COL4A3: variants seen among roughly 807,000 people sequenced by gnomAD.
The protein encoded by COL4A3 is collagen type IV alpha 3 chain, also known as collagen alpha-3(IV) chain.
Under a neutral mutation model 217.4 loss-of-function variants are expected in COL4A3, and 135 were observed. The observed-to-expected ratio is 0.62, with a 90% CI of 0.54 to 0.72. The LOEUF (loss-of-function observed/expected upper bound fraction) is 0.72. COL4A3 is among the 30% of genes least tolerant of loss of function. The pLI is 0.00. For missense variants in COL4A3, 1,868 were observed against 2,119.9 expected (o/e 0.88, Z 2.33); for synonymous variants, 690 against 736.3 (o/e 0.94, Z 1.02).
intron 25 of COL4A3, among the ~76,000 whole-genome samples, chr2:227,272,107 A>T (rs12619141): frequency 0.13 from 20,409 of 152,136 alleles, 1,356 homozygotes; most frequent in Non-Finnish European, 0.15. Context: ...CAGTTCTCAG[A>T]CCCTGCCTTG....
chr2:227,192,582 G>A (rs950672252), intron 1 of COL4A3, among the ~76,000 whole-genome samples: 26 of 152,218 alleles, frequency 1.7e-4, no homozygotes, highest in Admixed American at 1.2e-3. Flanking sequence ...GTTGTATGGA[G>A]ATCACTTGAC....
rs764791902 is a variant in COL4A3 at position 227,295,055 on chromosome 2, A to G, written c.3510A>G (p.Gly1170=). ...DGIPGPAGEK[G]ETGLLRAPPG... ...TTCCTGGTCCAGCCGGAGAAAAGGG[A>G]GAAACGGGTACAACTTGCTCATTAT... The change falls in exon 40 of 52, where the codon GGA becomes GGG. Residue 1170 remains glycine (G), a synonymous_variant. Transcript: ENST00000396578. 6.2e-7 allele frequency: 1 copy of G among 1,613,038 alleles called. No homozygotes were observed. The highest frequency in any genetic ancestry group is 8.5e-7 in the Non-Finnish European group (1 of 1,179,510).
At chr2:227,290,233 C>A (rs1390715765) in intron 36 of COL4A3, 145 bp downstream of exon 36, 2 of 761,902 alleles carry the variant, frequency 2.6e-6, no homozygotes, top group Non-Finnish European at 4.4e-6. Context: ...CACGGTGGCT[C>A]ATGCCTGTAA....
chr2:227,299,107 T>C (rs2073164960), intron 43 of COL4A3, among the ~76,000 whole-genome samples: 1 of 152,084 alleles, frequency 6.6e-6, no homozygotes, highest in East Asian at 1.9e-4. Flanking sequence ...TATAAAACCA[T>C]CAGATCGGCC....
chr2:227,294,350 T>G, intron 38 of COL4A3, 140 bp from the exon 39 acceptor site: 1 of 756,402 alleles, frequency 1.3e-6, no homozygotes, highest in South Asian at 1.4e-5. Context: ...GACAAAATCA[T>G]GGGGTGACCT....
intron 23 of COL4A3, among the ~76,000 whole-genome samples, chr2:227,267,396 C>A (rs2070965487): frequency 6.6e-6 from 1 of 152,226 alleles, no homozygotes. Context: ...GAAACACACA[C>A]CCTCTTTCTC....
chr2:227,214,560 T>G (rs115541328), intron 1 of COL4A3, among the ~76,000 whole-genome samples: 2,153 of 152,292 alleles, frequency 0.014, 32 homozygotes, highest in Non-Finnish European at 0.016. Context: ...GTGCCCACAG[T>G]TGTATCTTTT....
intron 1 of COL4A3, among the ~76,000 whole-genome samples, chr2:227,213,349 C>G (rs2067397081): frequency 6.6e-6 from 1 of 152,056 alleles, no homozygotes; most frequent in African/African-American, 2.4e-5. Flanking sequence ...TGTTGGATGA[C>G]TTTTTTTGGA....
chr2:227,169,310 T>G, intron 1 of COL4A3: 1 of 151,444 alleles, frequency 6.6e-6, no homozygotes, highest in Non-Finnish European at 1.5e-5. Flanking sequence ...TTTGGGTTGG[T>G]TCCAAGTCTT....
chr2:227,187,552 C>T (rs2066077295), intron 1 of COL4A3, among the ~76,000 whole-genome samples: 1 of 152,082 alleles, frequency 6.6e-6, no homozygotes, highest in Non-Finnish European at 1.5e-5. Flanking sequence ...TAAGTATACA[C>T]CCTTAATAAT....
chr2:227,313,938 ACT>A lies in COL4A3; in HGVS notation c.*2071_*2072del, dbSNP rs2073822666. 1 of 152,118 alleles carries A rather than the reference ACT, an allele frequency of 6.6e-6. No individual in the cohort carries two copies. The highest frequency in any genetic ancestry group is 2.4e-5 in the African/African-American group (1 of 41,392). The allele number at this position is 152,118 out of a possible 1,614,324, so 9.4% of individuals were successfully genotyped here. A position where few individuals can be genotyped will look rare whatever the true frequency, so the allele number is the denominator to read the frequency against. On this transcript the variant is annotated 3_prime_UTR_variant, in exon 52 of 52. Coordinates refer to ENST00000396578, the MANE Select transcript of COL4A3 (RefSeq NM_000091.5). ...CCACTCCAGACCTACACAATCAGAA[ACT>A]CTTGGGGGAGGGCCCGAAATATCTA...
rs371452712 is a variant in COL4A3, at chr2:227,309,263, T to C, written c.4700T>C (p.Ile1567Thr). ...GCCGTTCACAGCCAAACCACTGACA[T>C]TCCTCCATGTCCTCACGGCTGGATT... is the stretch of plus-strand genomic sequence containing the variant. ...AIAVHSQTTD[I>T]PPCPHGWISL... The change falls in exon 50 of 52, where the codon ATT becomes ACT. Residue 1567 changes from isoleucine (I) to threonine (T), a missense_variant. Physicochemically the swap from Ile to Thr is moderately conservative, Grantham distance 89. This residue lies in a region of COL4A3 where 1,503 missense variants were observed against 1,786.1 expected (regional missense o/e 0.84). Transcript: ENST00000396578. The C allele has an allele frequency of 7.4e-6, 12 of 1,614,054 alleles. No individual in the cohort carries two copies. In the African/African-American group the frequency reaches 1.1e-4, roughly 14 times the overall value.
At chr2:227,248,410 T>C (rs200363147) in intron 8 of COL4A3, 33 bp from the exon 9 acceptor site, 1 of 1,309,380 alleles carries the variant, frequency 7.6e-7, no homozygotes, top group East Asian at 2.3e-5. Context: ...AATATAACAT[T>C]GATGATGTTT....
rs370065384 is a variant in COL4A3 at position 227,195,669 on chromosome 2, G to A, written c.87+30856G>A. 5.7e-3 allele frequency among the ~76,000 whole-genome samples: 545 copies of A among 95,880 alleles called. 6 individuals are homozygous for A. The highest frequency in any genetic ancestry group is 0.022 in the African/African-American group (514 of 23,520). 62.9% of individuals were successfully genotyped at this position (95,880 alleles called of 152,430 possible). On this transcript the variant is annotated intron_variant, in intron 1 of 51. Transcript: ENST00000396578. The stretch of plus-strand genomic sequence containing the variant: ...GTCTATGCCACATATATATATATAT[G>A]TGTGTGTGTGTGTGTGTGTGTGTGT...
chr2:227,239,596 C>A (rs1473599887), intron 2 of COL4A3, among the ~76,000 whole-genome samples: 2 of 152,202 alleles, frequency 1.3e-5, no homozygotes, highest in Non-Finnish European at 2.9e-5. Context: ...TGAGCTCACA[C>A]CTTTTTGGTT....
intron 41 of COL4A3, among the ~76,000 whole-genome samples, chr2:227,297,382 A>G (rs13395181): frequency 2.6e-5 from 4 of 152,232 alleles, no homozygotes; most frequent in Non-Finnish European, 5.9e-5. Context: ...TAGCTAGAAC[A>G]GGTATTACCT....
intron 1 of COL4A3, among the ~76,000 whole-genome samples, chr2:227,197,749 A>G (rs1335765222): frequency 6.6e-6 from 1 of 152,222 alleles, no homozygotes; most frequent in Non-Finnish European, 1.5e-5. Context: ...GGATAAGCAG[A>G]GTAGTCAATA....
At chr2:227,251,985 C>G (rs952771424) in intron 11 of COL4A3, among the ~76,000 whole-genome samples, 1 of 141,530 alleles carries the variant, frequency 7.1e-6, no homozygotes, top group Non-Finnish European at 1.5e-5. Flanking sequence ...AGGAAAATCG[C>G]TTGAACCTGG....
intron 42 of COL4A3, 69 bp from the exon 43 acceptor site, chr2:227,298,613 C>A (rs1008455171): frequency 8.1e-6 from 13 of 1,601,028 alleles, no homozygotes; most frequent in Admixed American, 6.7e-5. Flanking sequence ...TCATTAGAAA[C>A]AATCACTGAT....
Sources: allele counts gnomAD v4.1 joint callset (sites outside exome capture counted in the v4.1 genomes callset), GRCh38; gene constraint gnomAD v4.1.1; regional missense constraint gnomAD v4.1.1; transcripts MANE v1.5; gene names NCBI Gene and HGNC (gene_info 2026-07-23, HGNC 2026-07-21).